The following KIF15 variants were observed in gnomAD, a reference collection of about 807,000 sequenced individuals.
The protein encoded by KIF15 is kinesin-like protein KIF15.
Under a neutral mutation model 190.6 loss-of-function variants are expected in KIF15, and 140 were observed. The ratio of observed to expected loss-of-function variants is 0.73; its 90% CI spans 0.64 to 0.84. KIF15 has a LOEUF of 0.84. Ranked by LOEUF, KIF15 falls within the 40% of genes least tolerant of loss-of-function variation. KIF15 has a pLI of 0.00. For missense variants in KIF15, 1,372 were observed against 1,584.4 expected, an observed-to-expected ratio of 0.87 and a Z score of 2.28; for synonymous variants, 528 against 551.3, an observed-to-expected ratio of 0.96 and a Z score of 0.59.
chr3:44,774,316 A>T, intron 1 of KIF15, 79 bp from the exon 2 acceptor site: 1 of 1,283,988 alleles, frequency 7.8e-7, no homozygotes, highest in Non-Finnish European at 1.1e-6. Flanking sequence ...TGTAGCAGGC[A>T]ACCCAGGAAC....
intron 3 of KIF15, among the ~76,000 whole-genome samples, chr3:44,775,952 C>A (rs1341322218): frequency 6.6e-6 from 1 of 151,554 alleles, no homozygotes; most frequent in Non-Finnish European, 1.5e-5. Context: ...TGGTAGTGGG[C>A]ACCTGTAGTC....
intron 7 of KIF15, among the ~76,000 whole-genome samples, chr3:44,789,667 T>A (rs1272972972): frequency 1.2e-5 from 1 of 81,148 alleles, no homozygotes; most frequent in Non-Finnish European, 2.9e-5. Flanking sequence ...TATATATATA[T>A]ATATATATAT....
intron 6 of KIF15, chr3:44,862,208 T>A: frequency 4.5e-6 from 1 of 222,740 alleles, no homozygotes; most frequent in Non-Finnish European, 7.2e-6. Flanking sequence ...CCCGCGGGGC[T>A]CTTGGGGTGG....
chr3:44,821,328 G>C (rs552515930), intron 20 of KIF15, among the ~76,000 whole-genome samples: 1 of 151,890 alleles, frequency 6.6e-6, no homozygotes, highest in Non-Finnish European at 1.5e-5. Context: ...CTTCCTGGAC[G>C]GGGTGGCTGC....
intron 4 of KIF15, among the ~76,000 whole-genome samples, chr3:44,779,943 T>G (rs1341310488): frequency 2.0e-5 from 3 of 151,988 alleles, no homozygotes; most frequent in Admixed American, 2.0e-4. Flanking sequence ...GGTAAAAAAC[T>G]ATAGCATACT....
chr3:44,766,758 C>T (rs1487283371), intron 1 of KIF15, among the ~76,000 whole-genome samples: 1 of 147,442 alleles, frequency 6.8e-6, no homozygotes, highest in Non-Finnish European at 1.5e-5. Context: ...TGCTGTTTGT[C>T]TTTGGGAACA....
rs1168456974 is a variant in KIF15, at chr3:44,778,106, C to T, written c.247-9C>T. The T allele has an allele frequency of 9.3e-6, 15 of 1,609,154 alleles. No homozygotes were observed. Among genetic ancestry groups the T allele is most frequent in the African/African-American group, 2.7e-5 (2 of 74,812 alleles). The stretch of plus-strand genomic sequence containing the variant: ...TATGATATGTTAACATGTTTGGTTA[C>T]ATTTGTAGGAATCTGTATTCGCAAC... On this transcript the variant is annotated splice_polypyrimidine_tract_variant and intron_variant, in intron 3 of 34. Transcript: ENST00000326047.
Position 44,797,637 on chromosome 3 carries a change from T to C in KIF15, c.936T>C (p.His312=). ...LVDVGNGKQR[H]VCYRDSKLTF... is the part of the protein sequence containing the mutation. ...ACGTGGGTAATGGAAAACAGAGACA[T>C]GTTTGCTACAGAGACTCCAAACTTA... The change falls in exon 9 of 35, where the codon CAT becomes CAC. Residue 312 remains histidine (H), a synonymous_variant. Transcript: ENST00000326047. The C allele has an allele frequency of 6.2e-7, 1 of 1,614,132 alleles. No individual in the cohort carries two copies. Among genetic ancestry groups the C allele is most frequent in the Non-Finnish European group, 8.5e-7 (1 of 1,180,024 alleles).
chr3:44,783,676 CCT>C (rs1210683411), intron 5 of KIF15, among the ~76,000 whole-genome samples: 3 of 152,220 alleles, frequency 2.0e-5, no homozygotes, highest in African/African-American at 7.2e-5. Context: ...CATTTTTCTA[CCT>C]CTGTTATATA....
intron 32 of KIF15, 24 bp downstream of exon 32, chr3:44,848,582 A>G (rs1323150982): frequency 8.8e-7 from 1 of 1,142,216 alleles, no homozygotes; most frequent in South Asian, 1.5e-5. Flanking sequence ...TTTGTAATTT[A>G]AAATCTTGAT....
At position 44,772,849 on chromosome 3, in the gene KIF15, C is replaced by T. The variant is rs922952632; in HGVS notation, c.20-1546C>T. Among the ~76,000 whole-genome samples, 9 of 152,160 alleles carry T rather than the reference C, an allele frequency of 5.9e-5. 1 individual carries two copies. The highest frequency in any genetic ancestry group is 4.1e-4 in the South Asian group (2 of 4,834). The stretch of plus-strand genomic sequence containing the variant: ...AGAGGCTAAAACAAAGCACTGGGCA[C>T]GTGGTTACAGGCCGTGCTTCCAAGG... On this transcript the variant is annotated intron_variant, in intron 1 of 34. Coordinates refer to ENST00000326047, the MANE Select transcript of KIF15 (RefSeq NM_020242.3).
intron 20 of KIF15, among the ~76,000 whole-genome samples, chr3:44,821,815 G>A (rs552562786): frequency 6.6e-6 from 1 of 152,358 alleles, no homozygotes; most frequent in South Asian, 2.1e-4. Flanking sequence ...TCACGCCACT[G>A]CACTCCAGCC....
chr3:44,817,104 A>C (rs1437240351), intron 20 of KIF15, among the ~76,000 whole-genome samples: 4 of 150,406 alleles, frequency 2.7e-5, no homozygotes, highest in Non-Finnish European at 1.5e-5. Context: ...TTTTTCTTGT[A>C]AATTTGTTTA....
intron 20 of KIF15, among the ~76,000 whole-genome samples, chr3:44,825,401 C>T (rs1697584804): frequency 6.6e-6 from 1 of 152,066 alleles, no homozygotes; most frequent in Non-Finnish European, 1.5e-5. Context: ...ATATAATAAC[C>T]TTCTGTACAT....
chr3:44,823,285 G>A (rs1403226440), intron 20 of KIF15, among the ~76,000 whole-genome samples: 5 of 152,280 alleles, frequency 3.3e-5, no homozygotes, highest in Non-Finnish European at 4.4e-5. Context: ...AGCTCTGTTG[G>A]TGTTTGCTGG....
chr3:44,864,355 G>GTCCT, intron 6 of KIF15: 2 of 1,614,062 alleles, frequency 1.2e-6, no homozygotes, highest in Non-Finnish European at 1.7e-6. Context: ...TGAGTAGCCT[G>GTCCT]AGGGTGTGGT....
intron 6 of KIF15, chr3:44,864,110 A>C (rs955362109): frequency 1.2e-5 from 18 of 1,563,650 alleles, no homozygotes; most frequent in Non-Finnish European, 1.6e-5. Context: ...CCTGGGTGCC[A>C]GCAACCACAG....
intron 26 of KIF15, among the ~76,000 whole-genome samples, chr3:44,831,481 G>A (rs545028985): frequency 7.7e-4 from 118 of 152,320 alleles, no homozygotes; most frequent in African/African-American, 2.7e-3. Context: ...GGAGCAGAGT[G>A]GAAACTGCAT....
rs1156497701 is a variant in KIF15 at position 44,802,865 on chromosome 3, A to G, written c.1561A>G (p.Arg521Gly). ...AKYAMENHSL[R>G]EENRRLRLLE... The stretch of plus-strand genomic sequence containing the variant: ...GTATGCTATGGAAAATCATTCCCTC[A>G]GGGAGGAGAATAGAAGACTGAGATT... The change falls in exon 14 of 35, where the codon AGG (arginine) becomes GGG (glycine). Residue 521 changes from arginine (R) to glycine (G), a missense_variant. Transcript: ENST00000326047. 3 of 1,608,398 alleles carry G rather than the reference A, an allele frequency of 1.9e-6. No homozygotes were observed. Among genetic ancestry groups the G allele is most frequent in the African/African-American group, 1.3e-5 (1 of 74,574 alleles).
Sources: gnomAD v4.1 joint callset for allele counts (sites outside exome capture counted in the v4.1 genomes callset) on GRCh38, gnomAD v4.1.1 for gene constraint, MANE v1.5 for transcripts, NCBI Gene and HGNC (gene_info 2026-07-23, HGNC 2026-07-21) for gene names.